Variants in FAM171A1 observed in about 807,000 individuals in gnomAD.
FAM171A1 encodes the protein family with sequence similarity 171 member A1.
FAM171A1 carries 23 observed loss-of-function variants against 74.9 expected under a neutral mutation model. That is an observed-to-expected ratio of 0.31 (90% CI 0.22 to 0.44). The LOEUF is 0.44. Ranked by LOEUF, FAM171A1 falls within the 20% of genes least tolerant of loss-of-function variation. FAM171A1 has a pLI of 1.00. For synonymous variants in FAM171A1, 527 were observed against 505.7 expected (o/e 1.04, Z -0.57); for missense variants, 1,162 against 1,159.2 (o/e 1.00, Z -0.03).
chr10:15,237,055 C>T (rs1292225826), intron 5 of FAM171A1, among the ~76,000 whole-genome samples: 1 of 152,130 alleles, frequency 6.6e-6, no homozygotes, highest in Non-Finnish European at 1.5e-5. Flanking sequence ...AAAAGAAAAT[C>T]CAGGCCAAAT....
At chr10:15,244,763 C>T (rs899344720) in intron 5 of FAM171A1, among the ~76,000 whole-genome samples, 1 of 152,066 alleles carries the variant, frequency 6.6e-6, no homozygotes, top group African/African-American at 2.4e-5. Context: ...GGTCCCCGCA[C>T]AGACTCAGGG....
chr10:15,221,060 C>T lies in FAM171A1; in HGVS notation c.755G>A (p.Gly252Glu). The T allele has an allele frequency of 1.2e-6, 2 of 1,613,592 alleles. No homozygotes were observed. The highest frequency in any genetic ancestry group is 1.7e-6 in the Non-Finnish European group (2 of 1,179,686). Residue 252 changes from glycine to glutamate, a missense_variant and splice_region_variant, in exon 6 of 8, where the codon GGA becomes GAA. Physicochemically the swap from Gly to Glu is moderately conservative, Grantham distance 98 (BLOSUM62 -2). Transcript: ENST00000378116. ...ACCCAGACCGCTCTTCAGCCACGTT[C>T]CTGTGGAATTGAGAAAGAGATGTTA... is the stretch of plus-strand genomic sequence containing the variant. Reference protein sequence around the residue: ...VAAWRFDQKLGTWLKSGLGLV... With the variant: ...VAAWRFDQKLETWLKSGLGLV...
chr10:15,315,877 C>A (rs981870264), intron 1 of FAM171A1, among the ~76,000 whole-genome samples: 3 of 152,120 alleles, frequency 2.0e-5, no homozygotes, highest in African/African-American at 7.2e-5. Flanking sequence ...GTAGAAAATA[C>A]AGAAAAAATA....
intron 3 of FAM171A1, among the ~76,000 whole-genome samples, chr10:15,271,962 A>G (rs1215421062): frequency 6.6e-6 from 1 of 152,224 alleles, no homozygotes; most frequent in Non-Finnish European, 1.5e-5. Context: ...TGATGCTAGG[A>G]AGAAACTGCA....
At chr10:15,362,624 TGAGGCAGGGGAATCTCTTGAACCCAG>T (rs998543359) in intron 1 of FAM171A1, among the ~76,000 whole-genome samples, 4 of 152,218 alleles carry the variant, frequency 2.6e-5, no homozygotes, top group African/African-American at 9.6e-5. Flanking sequence ...CTGGGGAGGC[TGAGGCAGGGGAATCTCTTGAACCCAG>T]GAGGCAGAGG....
intron 1 of FAM171A1, among the ~76,000 whole-genome samples, chr10:15,314,130 C>T (rs760491771): frequency 6.6e-5 from 10 of 152,292 alleles, no homozygotes; most frequent in Admixed American, 2.0e-4. Flanking sequence ...TCTGGTCATG[C>T]GGTATCTGGT....
intron 1 of FAM171A1, among the ~76,000 whole-genome samples, chr10:15,342,836 AG>A (rs921809947): frequency 6.6e-6 from 1 of 152,258 alleles, no homozygotes; most frequent in Non-Finnish European, 1.5e-5. Context: ...TTTACAACGC[AG>A]TCAGTGCCTA....
chr10:15,305,884 C>A (rs907189319), intron 1 of FAM171A1, among the ~76,000 whole-genome samples: 1 of 152,084 alleles, frequency 6.6e-6, no homozygotes, highest in African/African-American at 2.4e-5. Flanking sequence ...TGCCTGTGCA[C>A]GAACACGGGG....
At chr10:15,360,370 TA>T (rs1835979747) in intron 1 of FAM171A1, among the ~76,000 whole-genome samples, 1 of 152,232 alleles carries the variant, frequency 6.6e-6, no homozygotes, top group Non-Finnish European at 1.5e-5. Flanking sequence ...GGCAGTTCGT[TA>T]AGGTAGAAAT....
intron 1 of FAM171A1, among the ~76,000 whole-genome samples, chr10:15,332,847 G>A (rs1002304194): frequency 1.3e-5 from 2 of 152,176 alleles, no homozygotes; most frequent in African/African-American, 4.8e-5. Context: ...GGAAGGAAGA[G>A]CTCGGAATCC....
At chr10:15,309,321 C>T (rs917959828) in intron 1 of FAM171A1, among the ~76,000 whole-genome samples, 6 of 152,346 alleles carry the variant, frequency 3.9e-5, no homozygotes, top group East Asian at 1.9e-4. Context: ...GATTCTCCCA[C>T]CTCAGCCTCC....
At chr10:15,291,612 C>A (rs1835102882) in intron 1 of FAM171A1, among the ~76,000 whole-genome samples, 1 of 152,184 alleles carries the variant, frequency 6.6e-6, no homozygotes, top group Non-Finnish European at 1.5e-5. Context: ...GAGCGTGACT[C>A]TGAAGTGGTG....
At chr10:15,368,172 A>G (rs923083484) in intron 1 of FAM171A1, among the ~76,000 whole-genome samples, 8 of 152,194 alleles carry the variant, frequency 5.3e-5, no homozygotes, top group Non-Finnish European at 8.8e-5. Context: ...AACAAAGCCA[A>G]CCCTTACCGT....
At chr10:15,367,877 C>A (rs1473999465) in intron 1 of FAM171A1, among the ~76,000 whole-genome samples, 1 of 152,218 alleles carries the variant, frequency 6.6e-6, no homozygotes, top group Non-Finnish European at 1.5e-5. Flanking sequence ...CTAGCTCTGA[C>A]CTTCCTTTTG....
rs1478846720 is a variant in FAM171A1 at position 15,214,177 on chromosome 10, A to G, written c.1411T>C (p.Ser471Pro). The G allele has an allele frequency of 2.5e-6, 4 of 1,613,772 alleles. No homozygotes were observed. Among genetic ancestry groups the G allele is most frequent in the Non-Finnish European group, 3.4e-6 (4 of 1,179,974 alleles). ...VEVFPLKARKSMEREGYESSG... is the reference protein window; with the variant it reads ...VEVFPLKARKPMEREGYESSG... ...GACTCGTAGCCTTCTCTTTCCATAGATTTTCTTGCCTTTAAGGGAAAAACC... is the reference window on the plus strand; with the variant it reads ...GACTCGTAGCCTTCTCTTTCCATAGGTTTTCTTGCCTTTAAGGGAAAAACC... The change falls in exon 8 of 8, where the codon TCT becomes CCT. Residue 471 changes from serine (S) to proline (P), a missense_variant. Coordinates refer to ENST00000378116, the MANE Select transcript of FAM171A1 (RefSeq NM_001010924.2).
chr10:15,303,520 T>C (rs1293812103), intron 1 of FAM171A1, among the ~76,000 whole-genome samples: 1 of 152,170 alleles, frequency 6.6e-6, no homozygotes, highest in East Asian at 1.9e-4. Flanking sequence ...GCAATGTCAA[T>C]ACAGGGGGCT....
chr10:15,351,403 C>T (rs1835875322), intron 1 of FAM171A1, among the ~76,000 whole-genome samples: 1 of 152,176 alleles, frequency 6.6e-6, no homozygotes, highest in Non-Finnish European at 1.5e-5. Context: ...TGACTTTGAG[C>T]ACCTTTTCTT....
rs1833942950 is a variant in FAM171A1 at position 15,214,542 on chromosome 10, T to C, written c.1046A>G (p.Glu349Gly). 6.2e-7 allele frequency: 1 copy of C among 1,614,094 alleles called. No homozygotes were observed. The highest frequency in any genetic ancestry group is 8.5e-7 in the Non-Finnish European group (1 of 1,180,006). Reference sequence around the variant, plus strand: ...CGTGGACTGGTCTCTTTTGGAACTCTCCAGTCCTGCAGGGAGCTGCAGTTT... The same window carrying C: ...CGTGGACTGGTCTCTTTTGGAACTCCCCAGTCCTGCAGGGAGCTGCAGTTT... ...HRKLQLPAGL[E>G]SSKRDQSTSM... The change falls in exon 8 of 8, where the codon GAG becomes GGG. Residue 349 changes from glutamate to glycine, a missense_variant. Coordinates refer to ENST00000378116, the MANE Select transcript of FAM171A1 (RefSeq NM_001010924.2).
intron 1 of FAM171A1, among the ~76,000 whole-genome samples, chr10:15,294,870 C>T (rs1333616623): frequency 6.6e-6 from 1 of 152,144 alleles, no homozygotes; most frequent in African/African-American, 2.4e-5. Flanking sequence ...AAACTGCCGA[C>T]AAACTTTGAG....
Sources: allele counts gnomAD v4.1 joint callset (sites outside exome capture counted in the v4.1 genomes callset), GRCh38; gene constraint gnomAD v4.1.1; transcripts MANE v1.5; gene names NCBI Gene and HGNC (gene_info 2026-07-23, HGNC 2026-07-21).